ZNF91: variants seen among roughly 807,000 people sequenced by gnomAD.
ZNF91 encodes the protein zinc finger protein 91, also known as zinc finger protein 91 (HPF7, HTF10).
Under a neutral mutation model 12.6 loss-of-function variants are expected in ZNF91, and 7 were observed. The ratio of observed to expected loss-of-function variants is 0.55; its 90% CI spans 0.31 to 1.04. ZNF91 has a LOEUF of 1.04. ZNF91 is among the 50% of genes least tolerant of loss of function. The pLI, the probability that ZNF91 is intolerant of heterozygous loss-of-function variation, is 0.05. For missense variants in ZNF91, 1,217 were observed against 1,385.4 expected (o/e 0.88, Z 1.93); for synonymous variants, 453 against 462.6 (o/e 0.98, Z 0.27).
chr19:23,328,778 G>A (rs1967879810), intron 1 of ZNF91: 2 of 152,182 alleles, frequency 1.3e-5, no homozygotes, highest in African/African-American at 2.4e-5. Context: ...ATTTGATAAA[G>A]GTTTAAGAGG....
intron 1 of ZNF91, among the ~76,000 whole-genome samples, chr19:23,318,594 A>G (rs536591336): frequency 2.0e-5 from 3 of 152,084 alleles, no homozygotes; most frequent in African/African-American, 7.2e-5. Flanking sequence ...GCATTGTGAC[A>G]TATCTCTAAG....
At chr19:23,322,183 T>C (rs572678657) in intron 1 of ZNF91, among the ~76,000 whole-genome samples, 1 of 152,356 alleles carries the variant, frequency 6.6e-6, no homozygotes, top group Non-Finnish European at 1.5e-5. Flanking sequence ...CTCTTCTTCC[T>C]GAGCCCTACC....
At chr19:23,372,020 TTA>T (rs59857473) in intron 3 of ZNF91, among the ~76,000 whole-genome samples, 15,723 of 152,100 alleles carry the variant, frequency 0.1, 1,225 homozygotes, top group East Asian at 0.37. Flanking sequence ...GAGGAATACA[TTA>T]TGTTATTATT....
downstream of ZNF91, among the ~76,000 whole-genome samples, chr19:23,355,010 T>A (rs951344643): frequency 1.3e-5 from 2 of 152,116 alleles, no homozygotes; most frequent in East Asian, 3.8e-4. Context: ...ATGGGTAGAA[T>A]AATTTGTGAA....
chr19:23,361,378 T>C lies in ZNF91; in HGVS notation c.1601A>G (p.Asn534Ser), dbSNP rs1968755667. 6.3e-7 allele frequency: 1 copy of C among 1,595,324 alleles called. No homozygotes were observed. Among genetic ancestry groups the C allele is most frequent in the Non-Finnish European group, 8.5e-7 (1 of 1,171,876 alleles). Residue 534 changes from asparagine (N) to serine (S), a missense_variant, in exon 4 of 4, where the codon AAT (asparagine) becomes AGT (serine). Around this residue, in one of 2 missense-constraint regions of ZNF91, gnomAD observed 726 missense variants for 895.5 expected, o/e 0.81. Coordinates refer to ENST00000300619, the MANE Select transcript of ZNF91 (RefSeq NM_003430.4). ...TCTACTATGAATTATCTTATGTTTA[T>C]TAAGGGTTAAGGATTGTCTAAAAGC... The part of the protein sequence containing the change: ...GKAFRQSLTL[N>S]KHKIIHSREK...
intron 3 of ZNF91, among the ~76,000 whole-genome samples, chr19:23,365,287 C>T (rs1968956528): frequency 7.4e-6 from 1 of 135,330 alleles, no homozygotes; most frequent in Admixed American, 7.0e-5. Flanking sequence ...TCACCACTAG[C>T]ACAGTTCTAC....
intron 3 of ZNF91, among the ~76,000 whole-genome samples, chr19:23,370,294 A>G (rs908900160): frequency 2.1e-4 from 32 of 152,176 alleles, no homozygotes; most frequent in African/African-American, 7.5e-4. Flanking sequence ...TAAACTAGTA[A>G]CGAAACGATA....
At chr19:23,350,502 C>G (rs978763476) in intron 3 of ZNF91, among the ~76,000 whole-genome samples, 1 of 152,156 alleles carries the variant, frequency 6.6e-6, no homozygotes, top group Non-Finnish European at 1.5e-5. Flanking sequence ...CAAGAATACC[C>G]CAAAAATTAA....
At position 23,360,339 on chromosome 19, in the gene ZNF91, T is replaced by C. The variant is rs370209448; in HGVS notation, c.2640A>G (p.Lys880=). Residue 880 remains lysine, a synonymous_variant, in exon 4 of 4, where the codon AAA becomes AAG. Coordinates refer to ENST00000300619, the MANE Select transcript of ZNF91 (RefSeq NM_003430.4). ...TTHKIIHTKE[K]PSKSEECDKA... ...TGTCACATTCTTCACTCTTGGAAGGTTTCTCTTTAGTATGAATTATCTTAT... is the reference window on the plus strand; with the variant it reads ...TGTCACATTCTTCACTCTTGGAAGGCTTCTCTTTAGTATGAATTATCTTAT... 15 of 1,613,866 alleles carry C rather than the reference T, an allele frequency of 9.3e-6. No individual in the cohort carries two copies. Among genetic ancestry groups the C allele is most frequent in the Non-Finnish European group, 1.3e-5 (15 of 1,179,988 alleles).
chr19:23,319,057 T>C (rs1339505122), intron 1 of ZNF91, among the ~76,000 whole-genome samples: 1 of 152,190 alleles, frequency 6.6e-6, no homozygotes, highest in African/African-American at 2.4e-5. Context: ...CATGGGTACA[T>C]AGCTCTGGGC....
chr19:23,394,568 G>A (rs1287873320), intron 1 of ZNF91, among the ~76,000 whole-genome samples: 2 of 151,768 alleles, frequency 1.3e-5, no homozygotes, highest in Admixed American at 6.6e-5. Flanking sequence ...CCGTCTCTCC[G>A]AAAAATAAAA....
At chr19:23,346,669 AC>A (rs1555735994) in intron 3 of ZNF91, among the ~76,000 whole-genome samples, 76 of 152,050 alleles carry the variant, frequency 5.0e-4, no homozygotes, top group Non-Finnish European at 5.9e-5. Context: ...TAAGGGACCC[AC>A]CCTCCAGGTT....
intron 1 of ZNF91, among the ~76,000 whole-genome samples, chr19:23,378,686 CAA>C (rs1969592769): frequency 6.6e-6 from 1 of 152,096 alleles, no homozygotes; most frequent in African/African-American, 2.4e-5. Context: ...GTAGACATCA[CAA>C]GTCACAAAAA....
At chr19:23,395,088 G>A (rs928270888) in intron 1 of ZNF91, among the ~76,000 whole-genome samples, 1 of 152,146 alleles carries the variant, frequency 6.6e-6, no homozygotes, top group Non-Finnish European at 1.5e-5. Flanking sequence ...TGCCCAGAGA[G>A]GGCTCCAGGC....
upstream of ZNF91, among the ~76,000 whole-genome samples, chr19:23,311,955 T>C (rs1485668794): frequency 6.7e-6 from 1 of 149,488 alleles, no homozygotes; most frequent in African/African-American, 2.5e-5. Context: ...CAGTAGGTAA[T>C]GTGCCTTTGC....
At chr19:23,343,163 T>G (rs1352276023) in intron 3 of ZNF91, among the ~76,000 whole-genome samples, 4 of 152,206 alleles carry the variant, frequency 2.6e-5, no homozygotes, top group Non-Finnish European at 5.9e-5. Context: ...GTGCCATATT[T>G]ACATTATACA....
Position 23,373,345 on chromosome 19 carries a change from CTTAT to C in ZNF91, c.253+393_253+396del, listed in dbSNP as rs1271583553. On this transcript the variant is annotated intron_variant, in intron 3 of 3. Coordinates refer to ENST00000300619, the MANE Select transcript of ZNF91 (RefSeq NM_003430.4). ...TGTTGCTTTTTGTAGATCATGTAAT[CTTAT>C]ATATATATATATATATATATATATA... is the stretch of plus-strand genomic sequence containing the variant. Among the ~76,000 whole-genome samples the C allele has an allele frequency of 3.6e-4, 30 of 84,006 alleles. No individual in the cohort carries two copies. In the East Asian group the frequency reaches 6.6e-3, roughly 19 times the overall value. The allele number at this position is 84,006 out of a possible 152,430, so 55.1% of individuals were successfully genotyped here.
chr19:23,362,702 C>A lies in ZNF91; in HGVS notation c.277G>T (p.Asp93Tyr), dbSNP rs1968862118. 6.8e-7 allele frequency: 1 copy of A among 1,472,450 alleles called. No homozygotes were observed. Among genetic ancestry groups the A allele is most frequent in the African/African-American group, 1.4e-5 (1 of 70,524 alleles). The allele number at this position is 1,472,450 out of a possible 1,614,324, so 91.2% of individuals were successfully genotyped here. Residue 93 changes from aspartate (D) to tyrosine (Y), a missense_variant, in exon 4 of 4, where the codon GAC (aspartate) becomes TAC (tyrosine). Physicochemically the swap from Asp to Tyr is radical, Grantham distance 160. This residue lies in a region of ZNF91 where 726 missense variants were observed against 895.5 expected (regional missense o/e 0.81). Transcript: ENST00000300619. ...TCCATGCTCTGCTCTGGCCAAAAGT[C>A]TTGAGGAAAATGAGGACATATACCT... ...PTGICPHFPQ[D>Y]FWPEQSMEDS... is the part of the protein sequence containing the mutation.
intron 3 of ZNF91, among the ~76,000 whole-genome samples, chr19:23,370,039 C>CA (rs964833241): frequency 2.3e-5 from 3 of 129,826 alleles, no homozygotes; most frequent in Non-Finnish European, 5.1e-5. Context: ...AACAAACAAA[C>CA]AAACAAAACT....
Sources: allele counts gnomAD v4.1 joint callset (sites outside exome capture counted in the v4.1 genomes callset), GRCh38; gene constraint gnomAD v4.1.1; regional missense constraint gnomAD v4.1.1; transcripts MANE v1.5; gene names NCBI Gene and HGNC (gene_info 2026-07-23, HGNC 2026-07-21).